SPATA16: variants seen among roughly 807,000 people sequenced by gnomAD.
The protein encoded by SPATA16 is spermatogenesis-associated protein 16.
A neutral mutation model predicts 63.3 loss-of-function variants in SPATA16; 36 were observed. The ratio of observed to expected loss-of-function variants is 0.57; its 90% CI spans 0.44 to 0.75. The LOEUF is 0.75. Among genes scored for constraint, SPATA16 ranks in the 30% least tolerant of loss-of-function variants. The pLI is 0.00. For missense variants in SPATA16, 646 were observed against 679.3 expected (o/e 0.95, Z 0.54); for synonymous variants, 203 against 216.7 (o/e 0.94, Z 0.56).
At chr3:173,054,738 G>A (rs991129404) in intron 2 of SPATA16, among the ~76,000 whole-genome samples, 1 of 152,036 alleles carries the variant, frequency 6.6e-6, no homozygotes, top group Non-Finnish European at 1.5e-5. Context: ...TTCCGCACAT[G>A]TATCCTTTTT....
intron 4 of SPATA16, among the ~76,000 whole-genome samples, chr3:173,005,531 C>T (rs1281687496): frequency 6.6e-6 from 1 of 152,038 alleles, no homozygotes; most frequent in African/African-American, 2.4e-5. Context: ...TACTCTGCCA[C>T]AAGTTTTCTA....
chr3:172,941,277 A>T (rs1733141553), intron 6 of SPATA16, among the ~76,000 whole-genome samples: 1 of 152,242 alleles, frequency 6.6e-6, no homozygotes, highest in Non-Finnish European at 1.5e-5. Flanking sequence ...AGAAAGAATC[A>T]GGGACTAAAG....
intron 6 of SPATA16, among the ~76,000 whole-genome samples, chr3:172,932,871 C>T (rs1391926742): frequency 6.6e-6 from 1 of 152,074 alleles, no homozygotes; most frequent in Admixed American, 6.5e-5. Flanking sequence ...TTTTCATTCC[C>T]GAGATTCCTA....
chr3:173,080,187 C>G (rs1380789297), intron 2 of SPATA16, among the ~76,000 whole-genome samples: 1 of 152,178 alleles, frequency 6.6e-6, no homozygotes, highest in Non-Finnish European at 1.5e-5. Flanking sequence ...TATTTTGGCA[C>G]TGCCATAAAG....
chr3:173,089,482 G>A (rs943146023), intron 2 of SPATA16, among the ~76,000 whole-genome samples: 2 of 152,184 alleles, frequency 1.3e-5, no homozygotes, highest in African/African-American at 2.4e-5. Flanking sequence ...CAGCTGTAAT[G>A]GAGTGCATGA....
chr3:173,137,185 C>A (rs973849141), intron 1 of SPATA16, among the ~76,000 whole-genome samples: 2 of 152,160 alleles, frequency 1.3e-5, no homozygotes, highest in African/African-American at 4.8e-5. Context: ...GGGAATGTCC[C>A]AGAAAGAAGC....
intron 6 of SPATA16, among the ~76,000 whole-genome samples, chr3:172,930,593 C>G (rs1021688557): frequency 8.1e-5 from 10 of 123,922 alleles, no homozygotes; most frequent in African/African-American, 2.7e-4. Flanking sequence ...GAGTCTCGCT[C>G]TGTCGCCCAG....
At chr3:172,895,448 G>A (rs967985172) in intron 10 of SPATA16, among the ~76,000 whole-genome samples, 6 of 152,088 alleles carry the variant, frequency 3.9e-5, no homozygotes, top group African/African-American at 1.4e-4. Context: ...TGATTCTCTT[G>A]CCTCAGCATC....
chr3:172,940,512 C>A (rs779348355), intron 6 of SPATA16, among the ~76,000 whole-genome samples: 1 of 152,070 alleles, frequency 6.6e-6, no homozygotes, highest in Non-Finnish European at 1.5e-5. Context: ...AAATATAAAA[C>A]GTGTGTAAAG....
At chr3:173,131,162 A>T (rs1270292891) in intron 1 of SPATA16, among the ~76,000 whole-genome samples, 2 of 152,174 alleles carry the variant, frequency 1.3e-5, no homozygotes, top group Non-Finnish European at 2.9e-5. Flanking sequence ...TGGAAAAAAA[A>T]TTTTGGTTTG....
At chr3:172,924,099 G>A (rs1577091034) in intron 8 of SPATA16, 109 bp downstream of exon 8, 6 of 893,342 alleles carry the variant, frequency 6.7e-6, no homozygotes, top group South Asian at 1.5e-5. Flanking sequence ...TACTATGAAC[G>A]TTTCCAAAAT....
At chr3:172,959,800 A>G (rs1161279948) in intron 5 of SPATA16, among the ~76,000 whole-genome samples, 3 of 116,982 alleles carry the variant, frequency 2.6e-5, no homozygotes, top group African/African-American at 9.2e-5. Context: ...ATATATATAT[A>G]TATATATATA....
At chr3:173,123,214 A>G (rs1327045537) in intron 1 of SPATA16, among the ~76,000 whole-genome samples, 2 of 152,236 alleles carry the variant, frequency 1.3e-5, no homozygotes, top group African/African-American at 4.8e-5. Flanking sequence ...CAGTTTATGA[A>G]GTTATCTCAC....
chr3:172,942,631 G>A (rs9823160), intron 6 of SPATA16, among the ~76,000 whole-genome samples: 14,835 of 151,928 alleles, frequency 0.098, 2,340 homozygotes, highest in African/African-American at 0.33. Context: ...TACTGATGTC[G>A]AGTAGACAAA....
At chr3:173,049,734 A>G (rs1345091208) in intron 2 of SPATA16, among the ~76,000 whole-genome samples, 2 of 152,184 alleles carry the variant, frequency 1.3e-5, no homozygotes, top group Non-Finnish European at 2.9e-5. Flanking sequence ...ATTCTTAATA[A>G]AAATTCCAGG....
At chr3:172,894,772 G>C (rs1731974635) in intron 10 of SPATA16, among the ~76,000 whole-genome samples, 1 of 152,184 alleles carries the variant, frequency 6.6e-6, no homozygotes. Flanking sequence ...CTTATGAAAA[G>C]AGGCCCAAGG....
chr3:172,910,456 T>TG (rs1732345089), intron 10 of SPATA16, among the ~76,000 whole-genome samples: 1 of 152,130 alleles, frequency 6.6e-6, no homozygotes, highest in Non-Finnish European at 1.5e-5. Flanking sequence ...TTATGGTTCT[T>TG]GTGGCTACTA....
chr3:172,952,049 G>A (rs538364539), intron 6 of SPATA16, among the ~76,000 whole-genome samples: 1 of 152,152 alleles, frequency 6.6e-6, no homozygotes, highest in South Asian at 2.1e-4. Context: ...TGGAGCATCA[G>A]TGTCTCTCTG....
chr3:173,030,744 T>C (rs1239557920), intron 3 of SPATA16, among the ~76,000 whole-genome samples: 2 of 152,042 alleles, frequency 1.3e-5, no homozygotes, highest in African/African-American at 4.8e-5. Context: ...CCTAAAATAA[T>C]TGAAATCAGA....
Sources: allele counts gnomAD v4.1 joint callset (sites outside exome capture counted in the v4.1 genomes callset), GRCh38; gene constraint gnomAD v4.1.1; transcripts MANE v1.5; gene names NCBI Gene and HGNC (gene_info 2026-07-23, HGNC 2026-07-21).